SHROOM4: variants seen among roughly 807,000 people sequenced by gnomAD.
The protein encoded by SHROOM4 is shroom family member 4, also known as protein Shroom4.
A neutral mutation model predicts 80.3 loss-of-function variants in SHROOM4; 17 were observed. That is an observed-to-expected ratio of 0.21 (90% CI 0.14 to 0.32). The LOEUF is 0.32. SHROOM4 is among the 10% of genes least tolerant of loss of function. The pLI is 1.00. For missense variants in SHROOM4, 993 were observed against 1,140.3 expected (o/e 0.87, Z 1.86); for synonymous variants, 400 against 437.5 (o/e 0.91, Z 1.07).
intron 5 of SHROOM4, among the ~76,000 whole-genome samples, chrX:50,622,732 C>G (rs1411572109): frequency 3.6e-5 from 4 of 112,168 alleles, no homozygotes; most frequent in African/African-American, 1.3e-4. Flanking sequence ...ATCAGGATTT[C>G]TCCTCACAGA....
chrX:50,613,832 A>T (rs192362184), intron 5 of SHROOM4, among the ~76,000 whole-genome samples: 98 of 112,309 alleles, frequency 8.7e-4, no homozygotes, highest in Non-Finnish European at 1.4e-3. Flanking sequence ...AATCGTAAGA[A>T]TTATTATGAA....
intron 5 of SHROOM4, among the ~76,000 whole-genome samples, chrX:50,624,563 A>G (rs1930716620): frequency 9.0e-6 from 1 of 110,719 alleles, no homozygotes; most frequent in South Asian, 3.9e-4. Flanking sequence ...ATCTATGCCA[A>G]TAACATTCTC....
intron 1 of SHROOM4, among the ~76,000 whole-genome samples, chrX:50,780,715 G>A (rs886388506): frequency 5.4e-5 from 6 of 111,653 alleles, no homozygotes; most frequent in African/African-American, 1.6e-4. Flanking sequence ...TAACTCACTC[G>A]ATCTCTTTTC....
chrX:50,621,502 A>G (rs1557252006), intron 5 of SHROOM4, among the ~76,000 whole-genome samples: 1 of 112,272 alleles, frequency 8.9e-6, no homozygotes, highest in South Asian at 3.7e-4. Context: ...CAATTGGAGT[A>G]CATTATGTCT....
chrX:50,764,494 C>T (rs1602496769), intron 1 of SHROOM4, among the ~76,000 whole-genome samples: 1 of 111,330 alleles, frequency 9.0e-6, no homozygotes, highest in East Asian at 2.8e-4. Context: ...CTTGGCTATA[C>T]CTGCCCAAAG....
intron 5 of SHROOM4, among the ~76,000 whole-genome samples, chrX:50,614,957 GA>G (rs781999264): frequency 8.9e-6 from 1 of 112,031 alleles, no homozygotes; most frequent in Non-Finnish European, 1.9e-5. Flanking sequence ...CAATAGAAAA[GA>G]TATGCAATAT....
At chrX:50,710,942 C>G in intron 1 of SHROOM4, among the ~76,000 whole-genome samples, 1 of 111,502 alleles carries the variant, frequency 9.0e-6, no homozygotes, top group Non-Finnish European at 1.9e-5. Context: ...AAGGAACTGA[C>G]TAGAGCTCAC....
At chrX:50,719,766 G>A (rs1557265268) in intron 1 of SHROOM4, among the ~76,000 whole-genome samples, 1 of 112,475 alleles carries the variant, frequency 8.9e-6, no homozygotes, top group African/African-American at 3.2e-5. Context: ...GTGTTTGTGT[G>A]TGTGCACACA....
chrX:50,660,122 C>T (rs1345000981), intron 2 of SHROOM4, among the ~76,000 whole-genome samples: 1 of 111,704 alleles, frequency 9.0e-6, no homozygotes, highest in Non-Finnish European at 1.9e-5. Context: ...AACTATAGGT[C>T]AAAAAGTACA....
intron 1 of SHROOM4, among the ~76,000 whole-genome samples, chrX:50,806,186 A>T (rs782476666): frequency 2.8e-3 from 313 of 111,927 alleles, no homozygotes; most frequent in African/African-American, 9.6e-3. Context: ...TGAAAGAAGG[A>T]CAGCCTAGAT....
chrX:50,811,361 C>A (rs1182666875), intron 1 of SHROOM4, among the ~76,000 whole-genome samples: 1 of 109,733 alleles, frequency 9.1e-6, no homozygotes, highest in East Asian at 2.9e-4. Flanking sequence ...CATTTAAAGA[C>A]CACCCACTTG....
intron 1 of SHROOM4, among the ~76,000 whole-genome samples, chrX:50,744,583 G>A (rs1379025426): frequency 1.8e-5 from 2 of 111,464 alleles, no homozygotes; most frequent in African/African-American, 6.5e-5. Context: ...TGTCTGTCAC[G>A]TACAACATCT....
At chrX:50,611,640 C>T (rs1005564896) in intron 5 of SHROOM4, among the ~76,000 whole-genome samples, 4 of 110,793 alleles carry the variant, frequency 3.6e-5, no homozygotes, top group Admixed American at 9.6e-5. Context: ...AACTTGTAGG[C>T]TGGGCGTGGC....
chrX:50,676,738 T>C (rs957389321), intron 2 of SHROOM4, among the ~76,000 whole-genome samples: 1 of 110,433 alleles, frequency 9.1e-6, no homozygotes, highest in Non-Finnish European at 1.9e-5. Flanking sequence ...GTGCAAGGGA[T>C]ATAAGCCCTT....
At chrX:50,601,063 C>A (rs781853696) in intron 7 of SHROOM4, among the ~76,000 whole-genome samples, 6 of 112,059 alleles carry the variant, frequency 5.4e-5, no homozygotes, top group Non-Finnish European at 9.4e-5. Flanking sequence ...ACAACCTGAA[C>A]CTCAGTCCTG....
At chrX:50,584,057 T>C (rs191449347), downstream of SHROOM4, among the ~76,000 whole-genome samples, 2 of 112,100 alleles carry the variant, frequency 1.8e-5, no homozygotes, top group East Asian at 5.6e-4. Context: ...TCTCTTGAGC[T>C]TTTGACTTCC....
At chrX:50,698,091 C>T (rs1359538587) in intron 1 of SHROOM4, among the ~76,000 whole-genome samples, 1 of 112,398 alleles carries the variant, frequency 8.9e-6, no homozygotes, top group Non-Finnish European at 1.9e-5. Context: ...GCAAGTCTTC[C>T]CCTCAATATG....
At chrX:50,715,401 T>C (rs1194881824) in intron 1 of SHROOM4, among the ~76,000 whole-genome samples, 1 of 111,765 alleles carries the variant, frequency 8.9e-6, no homozygotes, top group Non-Finnish European at 1.9e-5. Flanking sequence ...AAACTTAAGG[T>C]TAGTACCTAG....
intron 1 of SHROOM4, among the ~76,000 whole-genome samples, chrX:50,803,215 G>A (rs1471014166): frequency 8.9e-6 from 1 of 112,081 alleles, no homozygotes; most frequent in Non-Finnish European, 1.9e-5. Flanking sequence ...GAGCTAATAT[G>A]TGTTAAGTTA....
Sources: allele counts gnomAD v4.1 joint callset (sites outside exome capture counted in the v4.1 genomes callset), GRCh38; gene constraint gnomAD v4.1.1; transcripts MANE v1.5; gene names NCBI Gene and HGNC (gene_info 2026-07-23, HGNC 2026-07-21).